The following COL24A1 variants were observed in gnomAD, a reference collection of about 807,000 sequenced individuals.
COL24A1 encodes collagen type XXIV alpha 1 chain.
Under a neutral mutation model 253.9 loss-of-function variants are expected in COL24A1, and 224 were observed. The ratio of observed to expected loss-of-function variants is 0.88; its 90% confidence interval spans 0.79 to 0.99. The LOEUF (loss-of-function observed/expected upper bound fraction) is 0.99, where lower values mean the gene tolerates loss of function less well. Among genes scored for constraint, COL24A1 ranks in the 50% least tolerant of loss-of-function variants. The probability of loss-of-function intolerance (pLI) is 0.00; values close to 1 mark genes in which losing one functional copy is unlikely to be tolerated. For synonymous variants in COL24A1, 685 were observed against 673.7 expected, an observed-to-expected ratio of 1.02 and a Z score of -0.26; for missense variants, 2,131 against 2,068.5, an observed-to-expected ratio of 1.03 and a Z score of -0.59.
chr1:86,112,065 C>T (rs1215882484), intron 5 of COL24A1, among the ~76,000 whole-genome samples: 1 of 152,180 alleles, frequency 6.6e-6, no homozygotes, highest in Non-Finnish European at 1.5e-5. Flanking sequence ...ATATGACTAT[C>T]ATACAACTAT....
At chr1:86,146,054 G>T in intron 2 of COL24A1, 65 bp downstream of exon 2, 1 of 1,275,642 alleles carries the variant, frequency 7.8e-7, no homozygotes, top group Non-Finnish European at 1.1e-6. Context: ...TGAAAGTTAT[G>T]TACTTTTGCT....
intron 47 of COL24A1, among the ~76,000 whole-genome samples, chr1:85,787,528 C>A (rs1343705306): frequency 4.6e-5 from 7 of 152,176 alleles, no homozygotes. Flanking sequence ...TATATCCCTG[C>A]AAAGGACATG....
At chr1:86,120,855 T>C (rs569197988) in intron 3 of COL24A1, among the ~76,000 whole-genome samples, 1 of 152,228 alleles carries the variant, frequency 6.6e-6, no homozygotes, top group South Asian at 2.1e-4. Context: ...ATGTTTACTG[T>C]GGCACTATTC....
intron 47 of COL24A1, 95 bp from the exon 48 acceptor site, chr1:85,786,556 G>C (rs931672012): frequency 9.2e-7 from 1 of 1,085,448 alleles, no homozygotes; most frequent in Non-Finnish European, 1.3e-6. Context: ...GCCCCGAAAG[G>C]CGTCTGTTAA....
chr1:85,803,250 C>T (rs1671617539), intron 47 of COL24A1, among the ~76,000 whole-genome samples: 1 of 151,854 alleles, frequency 6.6e-6, no homozygotes, highest in Non-Finnish European at 1.5e-5. Context: ...GAGTTTGACA[C>T]CATTGTGAAA....
intron 8 of COL24A1, among the ~76,000 whole-genome samples, chr1:86,060,605 C>T (rs546015628): frequency 8.5e-5 from 13 of 152,200 alleles, no homozygotes; most frequent in African/African-American, 3.1e-4. Context: ...CCTCTCATTT[C>T]TATCTCTCAT....
chr1:86,019,523 A>G (rs1276780637), intron 18 of COL24A1, among the ~76,000 whole-genome samples: 1 of 151,810 alleles, frequency 6.6e-6, no homozygotes, highest in Admixed American at 6.6e-5. Flanking sequence ...GCACCATTAC[A>G]CTCTATCCTG....
intron 47 of COL24A1, among the ~76,000 whole-genome samples, chr1:85,810,108 T>C (rs1672380325): frequency 1.3e-5 from 2 of 151,984 alleles, no homozygotes; most frequent in Admixed American, 1.3e-4. Flanking sequence ...CTGGCTAAAA[T>C]AGGGTGCAGT....
At chr1:85,994,772 G>T (rs544001292) in intron 19 of COL24A1, among the ~76,000 whole-genome samples, 3 of 152,148 alleles carry the variant, frequency 2.0e-5, no homozygotes, top group African/African-American at 4.8e-5. Flanking sequence ...AGGGAAGCAT[G>T]CAAACTGCAA....
intron 2 of COL24A1, among the ~76,000 whole-genome samples, chr1:86,132,533 A>T (rs1188412647): frequency 6.6e-6 from 1 of 152,026 alleles, no homozygotes; most frequent in South Asian, 2.1e-4. Context: ...ATCTTGAATT[A>T]ATTTTTGTAT....
chr1:85,853,106 G>A (rs1677981080), intron 37 of COL24A1, among the ~76,000 whole-genome samples: 1 of 152,132 alleles, frequency 6.6e-6, no homozygotes, highest in African/African-American at 2.4e-5. Context: ...CAGTTTTTCA[G>A]TCCTCACCCT....
chr1:85,813,840 C>T (rs1216720274), intron 47 of COL24A1, among the ~76,000 whole-genome samples: 1 of 151,882 alleles, frequency 6.6e-6, no homozygotes, highest in African/African-American at 2.4e-5. Context: ...CGTGAGCCAC[C>T]GCGCCCGGCC....
chr1:86,090,760 T>A (rs1703436817), intron 6 of COL24A1, among the ~76,000 whole-genome samples: 1 of 152,182 alleles, frequency 6.6e-6, no homozygotes. Flanking sequence ...TTACTAAAGC[T>A]CTATGGCAAT....
At chr1:86,120,936 T>C (rs972876670) in intron 3 of COL24A1, among the ~76,000 whole-genome samples, 1 of 152,134 alleles carries the variant, frequency 6.6e-6, no homozygotes, top group Non-Finnish European at 1.5e-5. Flanking sequence ...ATGTGGCACA[T>C]ACACACCATG....
At chr1:85,768,006 GAAAAC>G (rs1667550931) in intron 53 of COL24A1, among the ~76,000 whole-genome samples, 1 of 152,072 alleles carries the variant, frequency 6.6e-6, no homozygotes, top group Non-Finnish European at 1.5e-5. Context: ...CTATTATGAA[GAAAAC>G]AAAACAAGAT....
intron 55 of COL24A1, among the ~76,000 whole-genome samples, chr1:85,748,536 T>C (rs953114380): frequency 6.6e-6 from 1 of 152,062 alleles, no homozygotes; most frequent in Admixed American, 6.6e-5. Context: ...GGAGCCAAGA[T>C]GGCCGAATAG....
chr1:86,110,900 T>C (rs1014095653), intron 5 of COL24A1, among the ~76,000 whole-genome samples: 2 of 151,054 alleles, frequency 1.3e-5, no homozygotes, highest in African/African-American at 4.9e-5. Context: ...TGGTGCCTGG[T>C]CCCATCGACT....
intron 10 of COL24A1, among the ~76,000 whole-genome samples, chr1:86,055,553 G>C (rs1014728733): frequency 1.3e-5 from 2 of 152,210 alleles, no homozygotes; most frequent in Non-Finnish European, 2.9e-5. Flanking sequence ...AACGCAGTAA[G>C]AGTAAGTTGT....
intron 14 of COL24A1, among the ~76,000 whole-genome samples, chr1:86,026,040 T>A (rs1697993476): frequency 6.6e-6 from 1 of 152,214 alleles, no homozygotes; most frequent in Admixed American, 6.5e-5. Flanking sequence ...TTTCCTTCTA[T>A]GCCATTAGAT....
Sources: allele counts gnomAD v4.1 joint callset (sites outside exome capture counted in the v4.1 genomes callset), GRCh38; gene constraint gnomAD v4.1.1; transcripts MANE v1.5; gene names NCBI Gene and HGNC (gene_info 2026-07-23, HGNC 2026-07-21).